The following SLC47A2 variants were observed in gnomAD, a reference collection of about 807,000 sequenced individuals.
The protein encoded by SLC47A2 is solute carrier family 47 member 2.
In SLC47A2, 52 loss-of-function variants were observed where a neutral mutation model predicts 67.7. The ratio of observed to expected loss-of-function variants is 0.77; its 90% confidence interval spans 0.61 to 0.97. The LOEUF (loss-of-function observed/expected upper bound fraction) is 0.97, where lower values mean the gene tolerates loss of function less well. Among genes scored for constraint, SLC47A2 ranks in the 50% least tolerant of loss-of-function variants. The pLI is 0.00. For missense variants in SLC47A2, 676 were observed against 712.3 expected (o/e 0.95, Z 0.58); for synonymous variants, 278 against 292.9 (o/e 0.95, Z 0.52).
At chr17:19,714,692 T>C in intron 3 of SLC47A2, 29 bp downstream of exon 3, 1 of 1,613,176 alleles carries the variant, frequency 6.2e-7, no homozygotes, top group Admixed American at 1.7e-5. Context: ...CTTGCCTGGC[T>C]TCCTGCCCAG....
At chr17:19,686,613 T>C (rs1475006075) in intron 13 of SLC47A2, among the ~76,000 whole-genome samples, 1 of 152,124 alleles carries the variant, frequency 6.6e-6, no homozygotes, top group African/African-American at 2.4e-5. Flanking sequence ...GAAAAAGATA[T>C]TGCATGCAAA....
chr17:19,713,900 C>T lies in SLC47A2; in HGVS notation c.368G>A (p.Cys123Tyr). 6.2e-7 allele frequency: 1 copy of T among 1,613,800 alleles called. No individual in the cohort carries two copies. Among genetic ancestry groups the T allele is most frequent in the Non-Finnish European group, 8.5e-7 (1 of 1,179,914 alleles). The change falls in exon 4 of 17, where the codon TGC becomes TAC. Residue 123 changes from cysteine to tyrosine, a missense_variant. Transcript: ENST00000433844. ...QRGALVLLLC[C>Y]LPCWALFLNT... ...GAGGAAGAGCGCCCAGCAAGGGAGG[C>T]AGCAGAGGAGCAGGACCAGCGCGCC...
At chr17:19,708,170 C>T in intron 7 of SLC47A2, 132 bp downstream of exon 7, 1 of 1,032,984 alleles carries the variant, frequency 9.7e-7, no homozygotes, top group Non-Finnish European at 1.4e-6. Flanking sequence ...TCAGGCCCCT[C>T]CAACTCCCCA....
At position 19,695,468 on chromosome 17, in the gene SLC47A2, G is replaced by C. The variant is rs75052009; in HGVS notation, c.1164+7137C>G. ...ACTGCACTCCAGCCTGGGCAACAGAGTGAGACCTGTCTTAAAAAAAAAACA... is the reference window on the plus strand; with the variant it reads ...ACTGCACTCCAGCCTGGGCAACAGACTGAGACCTGTCTTAAAAAAAAAACA... On this transcript the variant is annotated intron_variant, in intron 13 of 16. Transcript: ENST00000433844. Among the ~76,000 whole-genome samples the C allele has an allele frequency of 2.0e-3, 239 of 122,266 alleles. 1 individual carries two copies. Among genetic ancestry groups the C allele is most frequent in the Non-Finnish European group, 2.4e-3 (153 of 62,476 alleles). 80.2% of individuals were successfully genotyped at this position (122,266 alleles called of 152,430 possible).
chr17:19,705,263 G>C, intron 10 of SLC47A2, 173 bp downstream of exon 10: 1 of 554,334 alleles, frequency 1.8e-6, no homozygotes, highest in Non-Finnish European at 3.1e-6. Flanking sequence ...GTGGGCACCT[G>C]TGTGTGAGTC....
At chr17:19,703,199 A>G in intron 11 of SLC47A2, 32 bp from the exon 12 acceptor site, 1 of 1,605,336 alleles carries the variant, frequency 6.2e-7, no homozygotes, top group South Asian at 1.1e-5. Context: ...GCAATGACAG[A>G]CCCCAAGCCA....
intron 10 of SLC47A2, chr17:19,704,642 C>G: frequency 6.5e-7 from 1 of 1,543,930 alleles, no homozygotes; most frequent in East Asian, 2.5e-5. Flanking sequence ...GGATAACATG[C>G]AGATGCGTAC....
At position 19,703,167 on chromosome 17, in the gene SLC47A2, A is replaced by G. The variant is rs2085833400; in HGVS notation, c.1019T>C (p.Val340Ala). ...RSAVSGVLSI[V>A]GISLVLGTLI... is the part of the protein sequence containing the mutation. Reference sequence around the variant, plus strand: ...GGTGCCCAGGACCAGGGAAATGCCAACTGGAAGAGACAAAAGGTGCAGCAA... The same window carrying G: ...GGTGCCCAGGACCAGGGAAATGCCAGCTGGAAGAGACAAAAGGTGCAGCAA... Residue 340 changes from valine (V) to alanine (A), a missense_variant and splice_region_variant, in exon 12 of 17, where the codon GTT (valine) becomes GCT (alanine). Physicochemically the swap from Val to Ala is moderately conservative, Grantham distance 64. Transcript: ENST00000433844. 4 of 1,614,074 alleles carry G rather than the reference A, an allele frequency of 2.5e-6. No homozygotes were observed. The highest frequency in any genetic ancestry group is 1.3e-5 in the African/African-American group (1 of 75,052).
At chr17:19,684,992 C>T (rs1484524237) in intron 13 of SLC47A2, among the ~76,000 whole-genome samples, 3 of 152,120 alleles carry the variant, frequency 2.0e-5, no homozygotes, top group Admixed American at 6.5e-5. Flanking sequence ...ATTCCAGGCA[C>T]GCGCTGCCAC....
intron 8 of SLC47A2, 28 bp downstream of exon 8, chr17:19,707,718 G>C (rs751288371): frequency 6.4e-7 from 1 of 1,560,900 alleles, no homozygotes; most frequent in South Asian, 1.2e-5. Context: ...GGCCTGCTCA[G>C]CCTCCCAGAG....
chr17:19,711,588 CAAAAAAAAAAAAAAA>C (rs35308426), intron 5 of SLC47A2, among the ~76,000 whole-genome samples: 5 of 33,008 alleles, frequency 1.5e-4, no homozygotes, highest in African/African-American at 1.9e-4. Context: ...AACTCCGTCT[CAAAAAAAAAAAAAAA>C]AAAAAAAAAA....
intron 13 of SLC47A2, among the ~76,000 whole-genome samples, chr17:19,693,546 G>A (rs1278550429): frequency 1.3e-5 from 2 of 151,914 alleles, no homozygotes; most frequent in African/African-American, 4.8e-5. Flanking sequence ...GCTGAGGAGG[G>A]TGGATCACCT....
chr17:19,697,412 G>A (rs886742807), intron 13 of SLC47A2, among the ~76,000 whole-genome samples: 1 of 152,126 alleles, frequency 6.6e-6, no homozygotes, highest in African/African-American at 2.4e-5. Context: ...AGACCAGCCT[G>A]GGTGACATCA....
At chr17:19,706,596 G>T in intron 9 of SLC47A2, 52 bp downstream of exon 9, 1 of 1,462,750 alleles carries the variant, frequency 6.8e-7, no homozygotes. Flanking sequence ...GGGGCTTCTG[G>T]GCTGGGTGAG....
At chr17:19,710,486 C>T (rs1194672818) in intron 5 of SLC47A2, among the ~76,000 whole-genome samples, 3 of 151,056 alleles carry the variant, frequency 2.0e-5, no homozygotes, top group African/African-American at 4.9e-5. Flanking sequence ...GAGTTTCGCT[C>T]GTGTTGCCCA....
rs182372517 is a variant in SLC47A2 at position 19,685,424 on chromosome 17, A to G, written c.1165-3754T>C. Among the ~76,000 whole-genome samples, 3,449 of 147,898 alleles carry G rather than the reference A, an allele frequency of 0.023. 70 individuals are homozygous for G. The highest frequency in any genetic ancestry group is 0.054 in the African/African-American group (2,146 of 39,948). Reference sequence around the variant, plus strand: ...GAGCGTCTCTGCCTGGCCGCCCATCATCTGGGATGTGAGGAGCCCCTCTGC... The same window carrying G: ...GAGCGTCTCTGCCTGGCCGCCCATCGTCTGGGATGTGAGGAGCCCCTCTGC... On this transcript the variant is annotated intron_variant, in intron 13 of 16. Coordinates refer to ENST00000433844, the MANE Select transcript of SLC47A2 (RefSeq NM_001099646.3). This position sits in a 1 kb window ranked among gnomAD's most constrained non-coding sequence, Gnocchi z 4.5.
At chr17:19,708,261 G>A in intron 7 of SLC47A2, 41 bp downstream of exon 7, 3 of 1,599,524 alleles carry the variant, frequency 1.9e-6, no homozygotes, top group Non-Finnish European at 8.5e-7. Context: ...AGCTCAGTGG[G>A]CAGTGTCCCC....
intron 13 of SLC47A2, among the ~76,000 whole-genome samples, chr17:19,700,387 G>T (rs1186752540): frequency 6.6e-6 from 1 of 152,210 alleles, no homozygotes; most frequent in Non-Finnish European, 1.5e-5. Flanking sequence ...ACTGTTCTCT[G>T]TAAACCTGAC....
At chr17:19,700,481 G>A (rs1376245936) in intron 13 of SLC47A2, among the ~76,000 whole-genome samples, 3 of 152,192 alleles carry the variant, frequency 2.0e-5, no homozygotes, top group Admixed American at 2.0e-4. Flanking sequence ...GAAATGCTGG[G>A]CCAGGTGCCA....
Sources: allele counts gnomAD v4.1 joint callset (sites outside exome capture counted in the v4.1 genomes callset), GRCh38; gene constraint gnomAD v4.1.1; non-coding constraint Gnocchi (gnomAD v3.1); transcripts MANE v1.5; gene names NCBI Gene and HGNC (gene_info 2026-07-23, HGNC 2026-07-21).